YIPF7: variants seen among roughly 807,000 people sequenced by gnomAD.
YIPF7 encodes the protein protein YIPF7.
Under a neutral mutation model 27.2 loss-of-function variants are expected in YIPF7, and 35 were observed. The observed-to-expected ratio is 1.29, with a 90% CI of 0.98 to 1.70. The LOEUF is 1.70. YIPF7 is among the 40% of genes most tolerant of loss of function. The pLI, the probability that YIPF7 is intolerant of heterozygous loss-of-function variation, is 0.00. For missense variants in YIPF7, 358 were observed against 303.7 expected, an observed-to-expected ratio of 1.18 and a Z score of -1.33; for synonymous variants, 137 against 110.4, an observed-to-expected ratio of 1.24 and a Z score of -1.51.
At chr4:44,656,556 C>T (rs1011217381), upstream of YIPF7, among the ~76,000 whole-genome samples, 6 of 151,852 alleles carry the variant, frequency 4.0e-5, no homozygotes, top group Non-Finnish European at 7.4e-5. Flanking sequence ...CAATTGAGTA[C>T]GGTAGCTGGC....
At position 44,626,446 on chromosome 4, in the gene YIPF7, C is replaced by A. The variant is rs548979926; in HGVS notation, c.427-1664G>T. Among the ~76,000 whole-genome samples the A allele has an allele frequency of 8.1e-4, 124 of 152,250 alleles. 1 individual carries two copies. The South Asian group carries it at 0.026, about 32-fold the overall frequency. ...TGGTATAGGACAACTCTCTTACACCCAAAGGACATCTAACTGGACCTTCCT... is the reference window on the plus strand; with the variant it reads ...TGGTATAGGACAACTCTCTTACACCAAAAGGACATCTAACTGGACCTTCCT... On this transcript the variant is annotated intron_variant, in intron 4 of 5. Transcript: ENST00000415895.
At chr4:44,638,430 T>G (rs1013545440) in intron 2 of YIPF7, among the ~76,000 whole-genome samples, 2 of 151,466 alleles carry the variant, frequency 1.3e-5, no homozygotes, top group Non-Finnish European at 2.9e-5. Context: ...AAAGAAGATA[T>G]ACAAATGACC....
chr4:44,638,211 T>A (rs1411830362), intron 2 of YIPF7, among the ~76,000 whole-genome samples: 1 of 692 alleles, frequency 1.4e-3, no homozygotes, highest in Non-Finnish European at 4.2e-3. Context: ...GTTTCAGGAT[T>A]TTTTTTTTTT....
chr4:44,648,582 C>A (rs1400339610), intron 2 of YIPF7, among the ~76,000 whole-genome samples: 3 of 152,050 alleles, frequency 2.0e-5, no homozygotes, highest in Non-Finnish European at 2.9e-5. Context: ...TGCCCTCTAA[C>A]CTAGACCCAA....
chr4:44,658,688 G>T (rs1713967559), intron 2 of YIPF7, among the ~76,000 whole-genome samples: 1 of 152,192 alleles, frequency 6.6e-6, no homozygotes, highest in African/African-American at 2.4e-5. Context: ...TGCTGATAAA[G>T]GCATACCCGA....
chr4:44,636,086 C>A lies in YIPF7; in HGVS notation c.117-1G>T. On this transcript the variant is annotated splice_acceptor_variant, in intron 2 of 5. Coordinates refer to ENST00000415895, the MANE Select transcript of YIPF7 (RefSeq NM_182592.3). LOFTEE classifies it high-confidence loss of function. ...CTGAGGCTGCTCACCAGCTTGTTGT[C>A]TAGAAAAAGAAAAATACAAACATTT... The A allele has an allele frequency of 1.3e-6, 2 of 1,591,250 alleles. No individual in the cohort carries two copies. The highest frequency in any genetic ancestry group is 1.1e-5 in the South Asian group (1 of 87,774).
chr4:44,650,507 G>GCACACACA lies in YIPF7; in HGVS notation c.-1-414_-1-407dup, dbSNP rs3040316. Among the ~76,000 whole-genome samples the GCACACACA allele has an allele frequency of 9.2e-4, 126 of 137,178 alleles. 1 individual carries two copies. Among genetic ancestry groups the GCACACACA allele is most frequent in the African/African-American group, 3.0e-3 (113 of 37,202 alleles). The allele number at this position is 137,178 out of a possible 152,430, so 90.0% of individuals were successfully genotyped here. ...GGCGCACACACATGCGCGCGCGCGC[G>GCACACACA]CACACACACACACACACACACACAC... On this transcript the variant is annotated intron_variant, in intron 1 of 5. Coordinates refer to ENST00000415895, the MANE Select transcript of YIPF7 (RefSeq NM_182592.3).
At chr4:44,640,946 G>T (rs1415565272) in intron 2 of YIPF7, among the ~76,000 whole-genome samples, 5 of 151,842 alleles carry the variant, frequency 3.3e-5, no homozygotes, top group African/African-American at 4.8e-5. Flanking sequence ...TAGCTGCTTG[G>T]GTTTCAGAAA....
intron 2 of YIPF7, among the ~76,000 whole-genome samples, chr4:44,640,165 T>C (rs1051784953): frequency 3.9e-5 from 6 of 152,200 alleles, no homozygotes; most frequent in Admixed American, 6.5e-5. Context: ...TGTTGTGTCC[T>C]TGTCTGGTTT....
intron 3 of YIPF7, among the ~76,000 whole-genome samples, chr4:44,635,134 A>C (rs919011861): frequency 6.6e-6 from 1 of 152,218 alleles, no homozygotes; most frequent in African/African-American, 2.4e-5. Context: ...ACTTGACTAC[A>C]TGCAAAGGAC....
intron 3 of YIPF7, among the ~76,000 whole-genome samples, chr4:44,632,482 A>G (rs1398818340): frequency 6.6e-6 from 1 of 152,224 alleles, no homozygotes; most frequent in African/African-American, 2.4e-5. Context: ...TTGAAAATGC[A>G]TTTGTTAACA....
Position 44,622,290 on chromosome 4 carries a change from T to C in YIPF7, c.*124A>G. On this transcript the variant is annotated 3_prime_UTR_variant, in exon 6 of 6. Transcript: ENST00000415895. ...CACCACCCTTAAGTGCTGCTTTGTCTCTCTGCTTATTACTCTCTCAAAAGC... is the reference window on the plus strand; with the variant it reads ...CACCACCCTTAAGTGCTGCTTTGTCCCTCTGCTTATTACTCTCTCAAAAGC... 17 of 1,231,912 alleles carry C rather than the reference T, an allele frequency of 1.4e-5. No individual in the cohort carries two copies. Among genetic ancestry groups the C allele is most frequent in the Non-Finnish European group, 1.9e-5 (17 of 897,336 alleles). The allele number at this position is 1,231,912 out of a possible 1,614,324, so 76.3% of individuals were successfully genotyped here.
chr4:44,627,067 C>T (rs112996659), intron 4 of YIPF7, among the ~76,000 whole-genome samples: 3,280 of 152,072 alleles, frequency 0.022, 108 homozygotes, highest in African/African-American at 0.065. Flanking sequence ...CAGGCATGAG[C>T]CACCGCACCA....
At chr4:44,626,823 C>G (rs187945753) in intron 4 of YIPF7, among the ~76,000 whole-genome samples, 1,546 of 128,926 alleles carry the variant, frequency 0.012, 24 homozygotes, top group Middle Eastern at 0.11. Context: ...TCGCCCAGGC[C>G]GGAGGGCAGT....
chr4:44,643,071 C>A (rs1182653544), intron 2 of YIPF7, among the ~76,000 whole-genome samples: 1 of 151,982 alleles, frequency 6.6e-6, no homozygotes. Context: ...CAGAAGAAGA[C>A]AGGAAGATGA....
chr4:44,631,326 C>G (rs1359722760), intron 3 of YIPF7, among the ~76,000 whole-genome samples: 1 of 152,142 alleles, frequency 6.6e-6, no homozygotes, highest in African/African-American at 2.4e-5. Flanking sequence ...TGGCACTCAA[C>G]CACCCTTCCA....
intron 2 of YIPF7, among the ~76,000 whole-genome samples, chr4:44,646,853 G>C (rs1040424029): frequency 3.3e-5 from 5 of 152,106 alleles, no homozygotes; most frequent in African/African-American, 1.2e-4. Context: ...AACAGAAGCT[G>C]AATGACTGAT....
intron 4 of YIPF7, among the ~76,000 whole-genome samples, chr4:44,626,761 A>ATTTT (rs1560322885): frequency 6.5e-4 from 37 of 56,598 alleles, no homozygotes; most frequent in Admixed American, 1.1e-3. Context: ...TCATTAGCAC[A>ATTTT]TCTTTTTTTT....
chr4:44,656,072 C>A (rs914424906), upstream of YIPF7, among the ~76,000 whole-genome samples: 5 of 151,866 alleles, frequency 3.3e-5, no homozygotes, highest in Non-Finnish European at 7.4e-5. Flanking sequence ...TGCATTCTAG[C>A]AGAGTTATTG....
Sources: allele counts gnomAD v4.1 joint callset (sites outside exome capture counted in the v4.1 genomes callset), GRCh38; gene constraint gnomAD v4.1.1; transcripts MANE v1.5; gene names NCBI Gene and HGNC (gene_info 2026-07-23, HGNC 2026-07-21).